Variants in PHKA1 observed in about 807,000 individuals in gnomAD.
PHKA1 encodes the protein phosphorylase b kinase regulatory subunit alpha, skeletal muscle isoform.
Under a neutral mutation model 110.2 loss-of-function variants are expected in PHKA1, and 60 were observed. The ratio of observed to expected loss-of-function variants is 0.54; its 90% CI spans 0.44 to 0.68. The LOEUF is 0.68. Among genes scored for constraint, PHKA1 ranks in the 30% least tolerant of loss-of-function variants. The probability of loss-of-function intolerance (pLI) is 0.00; values close to 1 mark genes in which losing one functional copy is unlikely to be tolerated. For missense variants in PHKA1, 801 were observed against 942.5 expected (o/e 0.85, Z 1.97); for synonymous variants, 316 against 333.6 (o/e 0.95, Z 0.58).
intron 18 of PHKA1, chrX:72,622,636 C>T: frequency 5.3e-6 from 4 of 752,977 alleles, no homozygotes; most frequent in South Asian, 6.8e-5. Flanking sequence ...AAATAACAGA[C>T]ATACTGAATA....
At chrX:72,582,710 C>G in intron 30 of PHKA1, 112 bp from the exon 31 acceptor site, 1 of 552,547 alleles carries the variant, frequency 1.8e-6, no homozygotes, top group Non-Finnish European at 3.2e-6. Flanking sequence ...TGATTCAGCC[C>G]CCTTCAAAAT....
Position 72,600,517 on chromosome X carries a change from C to T in PHKA1, c.3072+1474G>A, listed in dbSNP as rs200429818. Among the ~76,000 whole-genome samples, 7 of 111,897 alleles carry T rather than the reference C, an allele frequency of 6.3e-5. No homozygotes were observed. In the East Asian group the frequency reaches 1.7e-3, roughly 27 times the overall value. On this transcript the variant is annotated intron_variant, in intron 28 of 31. Coordinates refer to ENST00000373542, the MANE Select transcript of PHKA1 (RefSeq NM_002637.4). ...TTCACGTTTCAAATAGGAAAATATTCAGATTATTCAAATTATTCGAGAAAA... is the reference window on the plus strand; with the variant it reads ...TTCACGTTTCAAATAGGAAAATATTTAGATTATTCAAATTATTCGAGAAAA...
At chrX:72,681,720 G>C (rs1556315574) in intron 5 of PHKA1, among the ~76,000 whole-genome samples, 2 of 72,925 alleles carry the variant, frequency 2.7e-5, no homozygotes. Context: ...GGAGGGAGGT[G>C]GGGGGGTCAG....
Position 72,705,227 on chromosome X carries a change from T to C in PHKA1, c.256A>G (p.Arg86Gly). The change falls in exon 3 of 32, where the codon AGA becomes GGA. Residue 86 changes from arginine (R) to glycine (G), a missense_variant. Transcript: ENST00000373542. ...CTGATCATGCAGTGCAGTAGTCCTC[T>C]CATCAGCTTCACTACACTCTGCAGA... is the stretch of plus-strand genomic sequence containing the variant. ...ELEQSVVKLM[R>G]GLLHCMIRQV... 8.4e-7 allele frequency: 1 copy of C among 1,192,256 alleles called. No homozygotes were observed. Among genetic ancestry groups the C allele is most frequent in the Non-Finnish European group, 1.1e-6 (1 of 880,077 alleles).
intron 25 of PHKA1, 122 bp from the exon 26 acceptor site, chrX:72,603,342 A>G: frequency 2.0e-6 from 1 of 501,160 alleles, no homozygotes; most frequent in Non-Finnish European, 3.5e-6. Flanking sequence ...GAACAGAATT[A>G]CAAAATAAAT....
rs1388737383 is a variant in PHKA1 at position 72,654,837 on chromosome X, G to A, written c.1041+1283C>T. Among the ~76,000 whole-genome samples, 23 of 95,966 alleles carry A rather than the reference G, an allele frequency of 2.4e-4. No homozygotes were observed. In the East Asian group the frequency reaches 5.5e-3, roughly 23 times the overall value. 83.3% of individuals were successfully genotyped at this position (95,966 alleles called of 115,157 possible). ...TTTTGAGACGGAGTCTCGCTCTGTC[G>A]CCCAGGCTGGAGTGCAGTGGCGCAA... On this transcript the variant is annotated intron_variant, in intron 10 of 31. Transcript: ENST00000373542.
intron 29 of PHKA1, among the ~76,000 whole-genome samples, chrX:72,587,726 G>A (rs2052454362): frequency 9.0e-6 from 1 of 110,931 alleles, no homozygotes; most frequent in African/African-American, 3.3e-5. Context: ...CAAAATAAAG[G>A]GATAGAAGAA....
chrX:72,703,215 A>G (rs2054229899), intron 3 of PHKA1, among the ~76,000 whole-genome samples: 1 of 110,825 alleles, frequency 9.0e-6, no homozygotes, highest in Admixed American at 9.5e-5. Flanking sequence ...TTCAAAACAG[A>G]AAGCTAAAAC....
chrX:72,658,733 G>A (rs1367438988), intron 8 of PHKA1, among the ~76,000 whole-genome samples: 2 of 111,793 alleles, frequency 1.8e-5, no homozygotes, highest in Non-Finnish European at 1.9e-5. Flanking sequence ...CATGATCAGA[G>A]TACGGTTATG....
Position 72,682,555 on chromosome X carries a change from A to G in PHKA1, c.537+1943T>C, listed in dbSNP as rs1306703597. 1.4e-3 allele frequency among the ~76,000 whole-genome samples: 149 copies of G among 107,615 alleles called. 3 individuals carry two copies. Among genetic ancestry groups the G allele is most frequent in the African/African-American group, 4.6e-3 (138 of 29,700 alleles). The allele number at this position is 107,615 out of a possible 115,157, so 93.5% of individuals were successfully genotyped here. On this transcript the variant is annotated intron_variant, in intron 5 of 31. Coordinates refer to ENST00000373542, the MANE Select transcript of PHKA1 (RefSeq NM_002637.4). ...CTGTGTGGAGAGAAGTAGACATGGG[A>G]GACTTTTCATTTTGTTCTGCACTAA...
intron 2 of PHKA1, chrX:72,711,896 T>C (rs1179122139): frequency 9.0e-6 from 1 of 111,231 alleles, no homozygotes; most frequent in Non-Finnish European, 1.9e-5. Context: ...GACAACACAG[T>C]GCAACCCCAC....
At chrX:72,628,735 G>A (rs1366418770) in intron 16 of PHKA1, among the ~76,000 whole-genome samples, 19 of 107,616 alleles carry the variant, frequency 1.8e-4, no homozygotes, top group East Asian at 2.9e-4. Flanking sequence ...GACTACAGGC[G>A]CGTGCCACCA....
chrX:72,712,729 C>T, intron 2 of PHKA1, 50 bp downstream of exon 2: 1 of 1,143,116 alleles, frequency 8.7e-7, no homozygotes, highest in Non-Finnish European at 1.2e-6. Context: ...CTGCCCCCAA[C>T]CCCCAATCAC....
intron 3 of PHKA1, among the ~76,000 whole-genome samples, chrX:72,704,024 G>T (rs1213012510): frequency 8.9e-6 from 1 of 112,039 alleles, no homozygotes; most frequent in East Asian, 2.8e-4. Context: ...TAAAAAATTC[G>T]CAATGCATAT....
intron 2 of PHKA1, 94 bp from the exon 3 acceptor site, chrX:72,705,339 A>G: frequency 4.9e-6 from 3 of 616,260 alleles, no homozygotes; most frequent in Non-Finnish European, 8.1e-6. Context: ...CCTTTTGAGA[A>G]CAAGTAACCC....
intron 24 of PHKA1, 27 bp downstream of exon 24, chrX:72,605,514 C>T: frequency 8.5e-7 from 1 of 1,174,249 alleles, no homozygotes; most frequent in Non-Finnish European, 1.2e-6. Flanking sequence ...TATCAGTCAC[C>T]AGATTAGCCT....
chrX:72,681,444 TG>T (rs782361909), intron 5 of PHKA1, among the ~76,000 whole-genome samples: 135 of 46,097 alleles, frequency 2.9e-3, no homozygotes, highest in East Asian at 7.7e-3. Context: ...GGGAGGGAGG[TG>T]GGGGGGTCAG....
At chrX:72,594,181 A>G (rs1312258985) in intron 28 of PHKA1, among the ~76,000 whole-genome samples, 3 of 110,483 alleles carry the variant, frequency 2.7e-5, no homozygotes, top group Non-Finnish European at 5.7e-5. Context: ...TTATGTTATA[A>G]ATGCCTATAT....
intron 3 of PHKA1, among the ~76,000 whole-genome samples, chrX:72,697,384 A>AT (rs782570666): frequency 1.8e-5 from 2 of 110,552 alleles, no homozygotes; most frequent in Non-Finnish European, 3.8e-5. Flanking sequence ...ATTTTAAAAG[A>AT]TTTTTTTTAA....
Sources: gnomAD v4.1 joint callset for allele counts (sites outside exome capture counted in the v4.1 genomes callset) on GRCh38, gnomAD v4.1.1 for gene constraint, MANE v1.5 for transcripts, NCBI Gene and HGNC (gene_info 2026-07-23, HGNC 2026-07-21) for gene names.